Variants in CD226 observed in about 807,000 individuals in gnomAD.
The protein encoded by CD226 is CD226 antigen.
In CD226, 24 loss-of-function variants were observed where a neutral mutation model predicts 34.9. The observed-to-expected ratio is 0.69, with a 90% confidence interval of 0.50 to 0.97. The LOEUF is 0.97. Among genes scored for constraint, CD226 ranks in the 50% least tolerant of loss-of-function variants. CD226 has a pLI of 0.00. For synonymous variants in CD226, 148 were observed against 147.4 expected, an observed-to-expected ratio of 1.00 and a Z score of -0.03; for missense variants, 397 against 412.7, an observed-to-expected ratio of 0.96 and a Z score of 0.33.
intron 3 of CD226, among the ~76,000 whole-genome samples, chr18:69,874,442 T>C (rs1320595219): frequency 1.3e-5 from 2 of 152,156 alleles, no homozygotes; most frequent in East Asian, 3.9e-4. Context: ...TGAAACCCAA[T>C]GGTCTTCATT....
At chr18:69,874,677 T>C (rs1341875678) in intron 3 of CD226, among the ~76,000 whole-genome samples, 3 of 152,244 alleles carry the variant, frequency 2.0e-5, no homozygotes, top group African/African-American at 7.2e-5. Flanking sequence ...TTATCCACTA[T>C]GTAGCTGCAT....
intron 2 of CD226, among the ~76,000 whole-genome samples, chr18:69,931,959 G>A (rs554756590): frequency 1.3e-5 from 2 of 152,196 alleles, no homozygotes; most frequent in South Asian, 2.1e-4. Flanking sequence ...GTGCCAGCAG[G>A]GTTGATTCCT....
intron 2 of CD226, among the ~76,000 whole-genome samples, chr18:69,901,002 T>A (rs532501021): frequency 6.6e-6 from 1 of 152,178 alleles, no homozygotes; most frequent in African/African-American, 2.4e-5. Flanking sequence ...CAGTACCACC[T>A]TGGAAGTCAT....
Position 69,860,075 on chromosome 18 carries a change from A to G in CD226, c.*4239T>C, listed in dbSNP as rs1203208427. 1 of 152,058 alleles carries G rather than the reference A, an allele frequency of 6.6e-6. No homozygotes were observed. The highest frequency in any genetic ancestry group is 1.5e-5 in the Non-Finnish European group (1 of 67,958). 9.4% of individuals were successfully genotyped at this position (152,058 alleles called of 1,614,324 possible). A position where few individuals can be genotyped will look rare whatever the true frequency, so the allele number is the denominator to read the frequency against. ...CAACAAAAGTGAAACTCCGTCTCAA[A>G]AAAATAATAATAAAATAAAATACAA... On this transcript the variant is annotated 3_prime_UTR_variant, in exon 6 of 6. Coordinates refer to ENST00000582621, the MANE Select transcript of CD226 (RefSeq NM_001303618.2).
chr18:69,958,079 A>G (rs142197650), upstream of CD226, among the ~76,000 whole-genome samples: 1 of 152,256 alleles, frequency 6.6e-6, no homozygotes, highest in East Asian at 1.9e-4. Flanking sequence ...CTCAGCTCCA[A>G]TGTATCTTAT....
At chr18:69,883,802 T>C (rs546795842) in intron 3 of CD226, among the ~76,000 whole-genome samples, 50 of 152,338 alleles carry the variant, frequency 3.3e-4, no homozygotes, top group Admixed American at 9.1e-4. Context: ...CCATCAGTAT[T>C]AAAAGGCAAC....
chr18:69,950,274 T>TCA (rs2055840827), upstream of CD226, among the ~76,000 whole-genome samples: 1 of 152,078 alleles, frequency 6.6e-6, no homozygotes, highest in Non-Finnish European at 1.5e-5. Flanking sequence ...TCTCTCTCTC[T>TCA]CACACACATA....
intron 2 of CD226, among the ~76,000 whole-genome samples, chr18:69,908,481 A>C (rs904621197): frequency 2.0e-5 from 3 of 152,222 alleles, no homozygotes; most frequent in African/African-American, 7.2e-5. Flanking sequence ...AACAGCAAGA[A>C]TGACTAACAC....
intron 2 of CD226, among the ~76,000 whole-genome samples, chr18:69,923,664 A>G (rs1668574453): frequency 6.6e-6 from 1 of 152,182 alleles, no homozygotes; most frequent in Non-Finnish European, 1.5e-5. Flanking sequence ...GTTAGTCAAT[A>G]AAAATCAGGC....
chr18:69,932,919 C>G (rs1182260755), intron 2 of CD226, among the ~76,000 whole-genome samples: 1 of 152,182 alleles, frequency 6.6e-6, no homozygotes, highest in Non-Finnish European at 1.5e-5. Flanking sequence ...TCCTGTATGC[C>G]TCCAACCTCA....
At chr18:69,893,283 T>A (rs1380161889) in intron 3 of CD226, among the ~76,000 whole-genome samples, 1 of 152,232 alleles carries the variant, frequency 6.6e-6, no homozygotes, top group Non-Finnish European at 1.5e-5. Context: ...TTACATTTAG[T>A]CATCTTCATT....
At chr18:69,892,143 A>G (rs1335486155) in intron 3 of CD226, among the ~76,000 whole-genome samples, 1 of 152,208 alleles carries the variant, frequency 6.6e-6, no homozygotes, top group Non-Finnish European at 1.5e-5. Flanking sequence ...ACGATTATAC[A>G]AGGACATGAG....
At chr18:69,872,793 C>T (rs1013253924) in intron 4 of CD226, among the ~76,000 whole-genome samples, 12 of 152,152 alleles carry the variant, frequency 7.9e-5, no homozygotes, top group African/African-American at 2.7e-4. Flanking sequence ...ACTGTTAAAC[C>T]TTGTTCTTCC....
intron 3 of CD226, among the ~76,000 whole-genome samples, chr18:69,886,589 C>T (rs935463844): frequency 2.0e-5 from 3 of 151,996 alleles, no homozygotes; most frequent in Non-Finnish European, 4.4e-5. Flanking sequence ...GCCTGTAATC[C>T]CAGCTGCTTG....
At chr18:69,880,750 C>G (rs1334279134) in intron 3 of CD226, among the ~76,000 whole-genome samples, 1 of 150,114 alleles carries the variant, frequency 6.7e-6, no homozygotes, top group East Asian at 2.0e-4. Flanking sequence ...CTCCTGGGTT[C>G]AAGCGATTCT....
intron 3 of CD226, among the ~76,000 whole-genome samples, chr18:69,885,127 A>G (rs1321510271): frequency 1.3e-5 from 2 of 152,156 alleles, no homozygotes; most frequent in African/African-American, 4.8e-5. Flanking sequence ...GGAAATAGGA[A>G]ATTTTTCAAA....
chr18:69,945,867 T>A (rs1217105337), intron 2 of CD226, among the ~76,000 whole-genome samples: 2 of 152,102 alleles, frequency 1.3e-5, no homozygotes, highest in African/African-American at 4.8e-5. Context: ...ACGTCTTACA[T>A]GGATGGCAGC....
intron 2 of CD226, among the ~76,000 whole-genome samples, chr18:69,913,831 C>T (rs12327485): frequency 1.5e-3 from 227 of 152,244 alleles, no homozygotes; most frequent in African/African-American, 5.2e-3. Context: ...GAAAGATGGG[C>T]TTCAGATGTG....
chr18:69,887,007 G>C (rs915396870), intron 3 of CD226, among the ~76,000 whole-genome samples: 3 of 152,078 alleles, frequency 2.0e-5, no homozygotes, highest in Admixed American at 2.0e-4. Flanking sequence ...TTATGCTCTA[G>C]AGTTTAATAA....
Sources: allele counts gnomAD v4.1 joint callset (sites outside exome capture counted in the v4.1 genomes callset), GRCh38; gene constraint gnomAD v4.1.1; transcripts MANE v1.5; gene names NCBI Gene and HGNC (gene_info 2026-07-23, HGNC 2026-07-21).